PALM2AKAP2: variants seen among roughly 807,000 people sequenced by gnomAD.
PALM2AKAP2 encodes the protein PALM2-AKAP2 fusion protein.
A neutral mutation model predicts 71.5 loss-of-function variants in PALM2AKAP2; 37 were observed. The ratio of observed to expected loss-of-function variants is 0.52; its 90% CI spans 0.40 to 0.68. The LOEUF is 0.68. Ranked by LOEUF, PALM2AKAP2 falls within the 30% of genes least tolerant of loss-of-function variation. PALM2AKAP2 has a pLI of 0.00. For missense variants in PALM2AKAP2, 1,224 were observed against 1,191.8 expected (o/e 1.03, Z -0.40); for synonymous variants, 468 against 478.8 (o/e 0.98, Z 0.29).
chr9:110,097,518 G>C (rs144549345), intron 1 of PALM2AKAP2, among the ~76,000 whole-genome samples: 2 of 122,550 alleles, frequency 1.6e-5, no homozygotes, highest in East Asian at 2.4e-4. Context: ...CTCACATCCC[G>C]GACGGGGCGA....
At chr9:109,658,290 A>G (rs1041844586) in intron 1 of PALM2AKAP2, among the ~76,000 whole-genome samples, 4 of 152,086 alleles carry the variant, frequency 2.6e-5, no homozygotes, top group Non-Finnish European at 4.4e-5. Flanking sequence ...TATTGAGTGT[A>G]GGTAGTATAG....
intron 6 of PALM2AKAP2, among the ~76,000 whole-genome samples, chr9:110,013,033 T>C (rs969290811): frequency 2.0e-5 from 3 of 152,230 alleles, no homozygotes; most frequent in Admixed American, 6.5e-5. Flanking sequence ...CCAAAACTCA[T>C]TGGCTTTCGT....
chr9:110,141,987 G>T (rs1274464482), intron 2 of PALM2AKAP2, among the ~76,000 whole-genome samples: 1 of 151,582 alleles, frequency 6.6e-6, no homozygotes, highest in African/African-American at 2.4e-5. Flanking sequence ...GACAATGAAT[G>T]ATAGAAGTTC....
chr9:109,750,871 T>C (rs1828878849), intron 1 of PALM2AKAP2, among the ~76,000 whole-genome samples: 1 of 152,146 alleles, frequency 6.6e-6, no homozygotes, highest in African/African-American at 2.4e-5. Context: ...TTCTACAGCA[T>C]CTTCCAGATC....
In PALM2AKAP2 at chr9:109,994,650, T is replaced by C. The variant is rs1376374921; in HGVS notation, c.497-21304T>C. ...GGACTCCATCCTGACCACCTCCTAC[T>C]CCCCCGTCCTGCATCACTGGTCTTG... On this transcript the variant is annotated intron_variant, in intron 6 of 9. Transcript: ENST00000302798. 2.0e-5 allele frequency among the ~76,000 whole-genome samples: 3 copies of C among 152,020 alleles called. No individual in the cohort carries two copies. The East Asian group carries it at 5.8e-4, about 29-fold the overall frequency.
In PALM2AKAP2 at chr9:109,861,435, C is replaced by T. The variant is rs138783644; in HGVS notation, c.46-6056C>T. On this transcript the variant is annotated intron_variant, in intron 1 of 9. Coordinates refer to the PALM2AKAP2 transcript ENST00000302798. ...TAACAATAGTTTACGTGTTATGTTA[C>T]GAACATGTTATGATTATAACATGTT... Among the ~76,000 whole-genome samples, 17 of 152,232 alleles carry T rather than the reference C, an allele frequency of 1.1e-4. No homozygotes were observed. In the East Asian group the frequency reaches 1.4e-3, roughly 12 times the overall value.
chr9:109,665,574 G>A (rs1306800970), intron 1 of PALM2AKAP2, among the ~76,000 whole-genome samples: 2 of 152,172 alleles, frequency 1.3e-5, no homozygotes, highest in African/African-American at 2.4e-5. Flanking sequence ...TTGTCCCAGA[G>A]GGGCAGCCGC....
intron 1 of PALM2AKAP2, among the ~76,000 whole-genome samples, chr9:109,733,948 A>G (rs1029586393): frequency 6.6e-6 from 1 of 152,228 alleles, no homozygotes; most frequent in Non-Finnish European, 1.5e-5. Flanking sequence ...GTTCCAGGTA[A>G]CCCAACTATA....
chr9:109,743,925 T>A (rs142051828), intron 1 of PALM2AKAP2, among the ~76,000 whole-genome samples: 94 of 152,342 alleles, frequency 6.2e-4, no homozygotes, highest in African/African-American at 2.2e-3. Flanking sequence ...TTTTTTCTTA[T>A]TGAGTATGTG....
chr9:109,852,612 A>G (rs1351854477), intron 1 of PALM2AKAP2, among the ~76,000 whole-genome samples: 2 of 152,184 alleles, frequency 1.3e-5, no homozygotes, highest in Non-Finnish European at 2.9e-5. Flanking sequence ...TCTCCAAACT[A>G]CTTTCCACAG....
intron 6 of PALM2AKAP2, among the ~76,000 whole-genome samples, chr9:110,008,390 A>C (rs1288298088): frequency 6.6e-6 from 1 of 151,958 alleles, no homozygotes; most frequent in Non-Finnish European, 1.5e-5. Context: ...AGCCTGGGCA[A>C]CATGGTGAAA....
chr9:110,024,831 T>G lies in PALM2AKAP2; in HGVS notation c.582+8792T>G, dbSNP rs148208155. The G allele has an allele frequency of 1.8e-3, 1,226 of 698,242 alleles. 11 individuals are homozygous for G. The African/African-American group carries it at 0.018, about 10-fold the overall frequency. The allele number at this position is 698,242 out of a possible 1,614,324, so 43.3% of individuals were successfully genotyped here. A position where few individuals can be genotyped will look rare whatever the true frequency, so the allele number is the denominator to read the frequency against. The stretch of plus-strand genomic sequence containing the variant: ...CCAGTGTCTTGGGTTTTTTGTTTTT[T>G]TTTTTTAACAGCCCAGAGGTCTTTT... On this transcript the variant is annotated intron_variant, in intron 7 of 9. Transcript: ENST00000302798.
intron 1 of PALM2AKAP2, among the ~76,000 whole-genome samples, chr9:109,853,639 G>A (rs1329671700): frequency 1.3e-5 from 2 of 152,134 alleles, no homozygotes; most frequent in African/African-American, 4.8e-5. Context: ...TTCCCCTTTA[G>A]AATAAATTCC....
At chr9:109,898,279 T>C (rs985890312) in intron 3 of PALM2AKAP2, among the ~76,000 whole-genome samples, 4 of 152,186 alleles carry the variant, frequency 2.6e-5, no homozygotes, top group African/African-American at 2.4e-5. Flanking sequence ...CTCCCAATAT[T>C]TCAAGTACAA....
chr9:110,099,950 G>A (rs981999987), intron 1 of PALM2AKAP2, among the ~76,000 whole-genome samples: 1 of 151,008 alleles, frequency 6.6e-6, no homozygotes, highest in African/African-American at 2.4e-5. Flanking sequence ...AGAGCTGGAG[G>A]GGGAGGGGGT....
chr9:110,107,669 C>T (rs902548840), intron 1 of PALM2AKAP2, among the ~76,000 whole-genome samples: 8 of 151,960 alleles, frequency 5.3e-5, no homozygotes, highest in African/African-American at 7.3e-5. Flanking sequence ...CGGGTTCAAG[C>T]GATTCTCCTG....
intron 1 of PALM2AKAP2, among the ~76,000 whole-genome samples, chr9:109,815,217 TAG>T (rs202081477): frequency 0.011 from 1,652 of 152,226 alleles, 30 homozygotes; most frequent in African/African-American, 0.038. Flanking sequence ...GTTTCCAGCA[TAG>T]ACAAGGGGAT....
chr9:109,924,110 C>G (rs529539388), intron 4 of PALM2AKAP2, among the ~76,000 whole-genome samples: 1 of 152,300 alleles, frequency 6.6e-6, no homozygotes, highest in African/African-American at 2.4e-5. Context: ...CTCTCCGGAT[C>G]CCTGATATGC....
chr9:110,043,783 C>T (rs138269884), upstream of PALM2AKAP2, among the ~76,000 whole-genome samples: 2,088 of 138,312 alleles, frequency 0.015, 56 homozygotes, highest in African/African-American at 0.054. Context: ...TGCAGTGGCA[C>T]GATCATGGCT....
Sources: gnomAD v4.1 joint callset for allele counts (sites outside exome capture counted in the v4.1 genomes callset) on GRCh38, gnomAD v4.1.1 for gene constraint, MANE v1.5 for transcripts, NCBI Gene and HGNC (gene_info 2026-07-23, HGNC 2026-07-21) for gene names.